Variants in KIAA2012 observed in about 807,000 individuals in gnomAD.
The protein encoded by KIAA2012 is uncharacterized protein KIAA2012.
A neutral mutation model predicts 150.6 loss-of-function variants in KIAA2012; 125 were observed. That is an observed-to-expected ratio of 0.83 (90% confidence interval 0.72 to 0.96). The LOEUF (loss-of-function observed/expected upper bound fraction) is 0.96. Ranked by LOEUF, KIAA2012 falls within the 40% of genes least tolerant of loss-of-function variation. KIAA2012 has a pLI of 0.00. For synonymous variants in KIAA2012, 462 were observed against 504.7 expected (o/e 0.92, Z 1.13); for missense variants, 1,219 against 1,354.9 (o/e 0.90, Z 1.57).
intron 12 of KIAA2012, chr2:202,137,944 G>C (rs1691113031): frequency 6.5e-6 from 1 of 153,056 alleles, no homozygotes; most frequent in Admixed American, 6.5e-5. Context: ...GTTTGCCTTT[G>C]TTTGATTCAT....
intron 15 of KIAA2012, chr2:202,179,721 A>G: frequency 6.1e-6 from 4 of 659,578 alleles, no homozygotes; most frequent in Admixed American, 1.8e-5. Context: ...ATGAGGGACA[A>G]CCATATTTAT....
Position 202,193,376 on chromosome 2 carries a change from C to T in KIAA2012, c.2887C>T (p.Leu963=), listed in dbSNP as rs1289836677. The T allele has an allele frequency of 6.5e-7, 1 of 1,550,250 alleles. No homozygotes were observed. ...AGCAGAAAGAGCCGAGATGAGGTGG[C>T]TGGAGGTGGAGAAGAAGAGAAGGGA... ...LRAERAEMRW[L]EVEKKRREQE... is the part of the protein sequence containing the mutation. The change falls in exon 20 of 24, where the codon CTG becomes TTG. Residue 963 remains leucine (L), a synonymous_variant. Coordinates refer to ENST00000498697, the MANE Select transcript of KIAA2012 (RefSeq NM_001277372.4).
intron 15 of KIAA2012, chr2:202,179,573 C>A: frequency 1.5e-6 from 1 of 669,992 alleles, no homozygotes; most frequent in Non-Finnish European, 2.9e-6. Context: ...TCGAAACTAG[C>A]TCAACAATAC....
At chr2:202,201,915 A>C in intron 22 of KIAA2012, 1 of 875,168 alleles carries the variant, frequency 1.1e-6, no homozygotes, top group Non-Finnish European at 1.9e-6. Context: ...TCGTCTCGGC[A>C]TCAGGGACGG....
chr2:202,114,837 T>C (rs1457918069), intron 11 of KIAA2012: 2 of 165,452 alleles, frequency 1.2e-5, no homozygotes, highest in African/African-American at 4.8e-5. Context: ...GTCCCACAGA[T>C]GGTATATTTA....
chr2:202,194,457 C>G (rs947516952), intron 21 of KIAA2012, 95 bp downstream of exon 21: 24 of 1,344,498 alleles, frequency 1.8e-5, no homozygotes, highest in Admixed American at 2.5e-5. Context: ...TATCCTAGGC[C>G]TTAGTGTGTT....
intron 13 of KIAA2012, among the ~76,000 whole-genome samples, chr2:202,151,013 A>G (rs1041717592): frequency 6.6e-6 from 1 of 152,166 alleles, no homozygotes; most frequent in East Asian, 1.9e-4. Context: ...TCATGGGGTC[A>G]AGGATGGAGC....
chr2:202,136,076 A>G (rs1268231537), intron 12 of KIAA2012: 1 of 402,276 alleles, frequency 2.5e-6, no homozygotes, highest in East Asian at 8.1e-5. Context: ...GCTGACTTCA[A>G]GAATGAAGCC....
At chr2:202,098,337 G>C (rs1324249514) in intron 5 of KIAA2012, among the ~76,000 whole-genome samples, 1 of 152,186 alleles carries the variant, frequency 6.6e-6, no homozygotes, top group South Asian at 2.1e-4. Context: ...TCCAGCCTGG[G>C]CAACAGAGTG....
chr2:202,113,189 G>T lies in KIAA2012; in HGVS notation c.1652-147G>T, dbSNP rs1003446908. Reference sequence around the variant, plus strand: ...TGCTCTGCTGAGTCCCAGGAGTAGGGCTCACCCTATACTCTGGTGGGCACC... The same window carrying T: ...TGCTCTGCTGAGTCCCAGGAGTAGGTCTCACCCTATACTCTGGTGGGCACC... On this transcript the variant is annotated intron_variant, in intron 10 of 23. Coordinates refer to ENST00000498697, the MANE Select transcript of KIAA2012 (RefSeq NM_001277372.4). 3 of 596,604 alleles carry T rather than the reference G, an allele frequency of 5.0e-6. No individual in the cohort carries two copies. The African/African-American group carries it at 5.6e-5, about 11-fold the overall frequency. 37.0% of individuals were successfully genotyped at this position (596,604 alleles called of 1,614,324 possible). A position where few individuals can be genotyped will look rare whatever the true frequency, so the allele number is the denominator to read the frequency against.
intron 13 of KIAA2012, among the ~76,000 whole-genome samples, chr2:202,148,441 AAACT>A (rs140946490): frequency 0.098 from 14,858 of 152,256 alleles, 916 homozygotes; most frequent in South Asian, 0.26. Context: ...TTTGGCTACC[AAACT>A]AACTGTCTCC....
At chr2:202,144,341 T>G (rs1438677613) in intron 13 of KIAA2012, among the ~76,000 whole-genome samples, 1 of 152,200 alleles carries the variant, frequency 6.6e-6, no homozygotes, top group Non-Finnish European at 1.5e-5. Flanking sequence ...ATATTTAATC[T>G]TATGTATCCT....
intron 2 of KIAA2012, among the ~76,000 whole-genome samples, chr2:202,085,386 G>GC (rs1457458697): frequency 1.3e-5 from 2 of 152,166 alleles, no homozygotes; most frequent in African/African-American, 4.8e-5. Flanking sequence ...CCCAAGGTAA[G>GC]CACAAGAGTC....
intron 19 of KIAA2012, among the ~76,000 whole-genome samples, 171 bp downstream of exon 19, chr2:202,190,664 T>C (rs546690761): frequency 2.0e-5 from 3 of 152,196 alleles, no homozygotes; most frequent in Non-Finnish European, 4.4e-5. Context: ...AAGCCAGACC[T>C]GATCAAAGAT....
rs537891981 is a variant in KIAA2012, at chr2:202,100,301, T to A, written c.1013-6T>A. 143 of 1,549,202 alleles carry A rather than the reference T, an allele frequency of 9.2e-5. No individual in the cohort carries two copies. The African/African-American group carries it at 1.8e-3, about 20-fold the overall frequency. ...ATATATTCTCATTCTCATCCTGTTT[T>A]TAAAGATAAACAAAGGAACGTGAAA... On this transcript the variant is annotated splice_region_variant and splice_polypyrimidine_tract_variant and intron_variant, in intron 6 of 23. Transcript: ENST00000498697.
chr2:202,102,934 A>C lies in KIAA2012; in HGVS notation c.1156-12A>C. 1 of 1,547,914 alleles carries C rather than the reference A, an allele frequency of 6.5e-7. No homozygotes were observed. The highest frequency in any genetic ancestry group is 8.7e-7 in the Non-Finnish European group (1 of 1,146,080). ...ACCTGCCATGATCGTTTTGTTTTTA[A>C]ATTTTCTCCAGGCACCAAAGGCTTT... On this transcript the variant is annotated splice_polypyrimidine_tract_variant and intron_variant, in intron 7 of 23. Coordinates refer to ENST00000498697, the MANE Select transcript of KIAA2012 (RefSeq NM_001277372.4).
intron 15 of KIAA2012, among the ~76,000 whole-genome samples, chr2:202,181,354 T>C (rs932178339): frequency 1.3e-5 from 2 of 152,152 alleles, no homozygotes; most frequent in Non-Finnish European, 2.9e-5. Flanking sequence ...GGCAGGAGAA[T>C]TGCTTGAGGC....
intron 22 of KIAA2012, among the ~76,000 whole-genome samples, chr2:202,199,767 C>A (rs1692478747): frequency 1.3e-5 from 2 of 152,058 alleles, no homozygotes; most frequent in African/African-American, 4.8e-5. Context: ...ACCCTATTAA[C>A]CCACTCCAGG....
intron 2 of KIAA2012, among the ~76,000 whole-genome samples, chr2:202,085,935 C>T (rs1261849132): frequency 3.3e-5 from 5 of 151,798 alleles, no homozygotes; most frequent in Admixed American, 6.6e-5. Context: ...TTTGGGAGGC[C>T]GAGGCAGGCG....
Sources: allele counts gnomAD v4.1 joint callset (sites outside exome capture counted in the v4.1 genomes callset), GRCh38; gene constraint gnomAD v4.1.1; transcripts MANE v1.5; gene names NCBI Gene and HGNC (gene_info 2026-07-23, HGNC 2026-07-21).